Variants in MCU observed in about 807,000 individuals in gnomAD.
MCU encodes the protein calcium uniporter protein, mitochondrial.
A neutral mutation model predicts 45.2 loss-of-function variants in MCU; 12 were observed. The ratio of observed to expected loss-of-function variants is 0.27; its 90% CI spans 0.17 to 0.43. The LOEUF is 0.43. MCU is among the 20% of genes least tolerant of loss of function. The probability of loss-of-function intolerance (pLI) is 1.00; values close to 1 mark genes in which losing one functional copy is unlikely to be tolerated. For synonymous variants in MCU, 160 were observed against 165.1 expected, an observed-to-expected ratio of 0.97 and a Z score of 0.24; for missense variants, 324 against 436.7, an observed-to-expected ratio of 0.74 and a Z score of 2.30.
intron 1 of MCU, among the ~76,000 whole-genome samples, chr10:72,808,599 T>A (rs1355131704): frequency 1.3e-5 from 2 of 152,208 alleles, no homozygotes; most frequent in African/African-American, 2.4e-5. Context: ...GCTTCACGCA[T>A]TAATCCGTTC....
At chr10:72,825,728 A>G (rs141578292) in intron 1 of MCU, among the ~76,000 whole-genome samples, 34 of 152,316 alleles carry the variant, frequency 2.2e-4, no homozygotes, top group Admixed American at 7.8e-4. Context: ...TCTATCACGT[A>G]TGGTTGAACT....
chr10:72,790,915 T>C (rs1459877324), intron 1 of MCU, among the ~76,000 whole-genome samples: 1 of 152,206 alleles, frequency 6.6e-6, no homozygotes, highest in Non-Finnish European at 1.5e-5. Context: ...TATTGTGGTC[T>C]GACAAAGATA....
intron 1 of MCU, among the ~76,000 whole-genome samples, chr10:72,704,158 G>A (rs1842791174): frequency 6.6e-6 from 1 of 152,132 alleles, no homozygotes; most frequent in South Asian, 2.1e-4. Context: ...GAAAGGATGG[G>A]ACCAGAGAGG....
At chr10:72,704,947 C>T (rs1411989658) in intron 1 of MCU, among the ~76,000 whole-genome samples, 1 of 151,944 alleles carries the variant, frequency 6.6e-6, no homozygotes, top group African/African-American at 2.4e-5. Flanking sequence ...TCTTGAACTC[C>T]TGACCTCATA....
At chr10:72,791,315 A>G (rs1050795851) in intron 1 of MCU, among the ~76,000 whole-genome samples, 1 of 152,212 alleles carries the variant, frequency 6.6e-6, no homozygotes, top group African/African-American at 2.4e-5. Context: ...GTTGTGCAGA[A>G]TGGACTGAAT....
chr10:72,814,196 A>C (rs1355703290), intron 1 of MCU, among the ~76,000 whole-genome samples: 1 of 152,152 alleles, frequency 6.6e-6, no homozygotes, highest in South Asian at 2.1e-4. Flanking sequence ...ATCCTGGTAA[A>C]CTGGTAAAAA....
rs528242134 is a variant in MCU at position 72,841,664 on chromosome 10, A to G, written c.220+7236A>G. The stretch of plus-strand genomic sequence containing the variant: ...CACAGATGGTGCATCTTCCAAACTT[A>G]GCAATGTGCACGCTTATACTGCCTC... On this transcript the variant is annotated intron_variant, in intron 2 of 7. Coordinates refer to ENST00000373053, the MANE Select transcript of MCU (RefSeq NM_138357.3). 2.0e-5 allele frequency among the ~76,000 whole-genome samples: 3 copies of G among 152,328 alleles called. No individual in the cohort carries two copies. The South Asian group carries it at 6.2e-4, about 32-fold the overall frequency.
chr10:72,801,723 G>A (rs372435552), intron 1 of MCU, among the ~76,000 whole-genome samples: 1 of 148,256 alleles, frequency 6.7e-6, no homozygotes, highest in Non-Finnish European at 1.5e-5. Context: ...CCAGGTTGGA[G>A]TGCAGTGGTG....
intron 6 of MCU, among the ~76,000 whole-genome samples, chr10:72,872,793 G>A (rs1043956965): frequency 1.3e-5 from 2 of 152,080 alleles, no homozygotes; most frequent in African/African-American, 4.8e-5. Context: ...TAGTGGGATT[G>A]CCAGATTGAT....
intron 1 of MCU, among the ~76,000 whole-genome samples, chr10:72,707,873 T>A (rs986513101): frequency 2.6e-5 from 4 of 152,128 alleles, no homozygotes; most frequent in East Asian, 1.9e-4. Flanking sequence ...GGGGTCTCAC[T>A]ATGTTGTCCA....
chr10:72,705,737 G>C (rs1025629208), intron 1 of MCU, among the ~76,000 whole-genome samples: 1 of 151,860 alleles, frequency 6.6e-6, no homozygotes, highest in African/African-American at 2.4e-5. Flanking sequence ...AGAATCATTT[G>C]AACCCAGAGG....
chr10:72,881,683 A>G (rs1845703715), intron 6 of MCU, among the ~76,000 whole-genome samples: 1 of 152,172 alleles, frequency 6.6e-6, no homozygotes, highest in Non-Finnish European at 1.5e-5. Flanking sequence ...AAAGTGACAG[A>G]CTCCACTAGA....
chr10:72,855,465 C>T (rs1431585542), intron 2 of MCU, among the ~76,000 whole-genome samples: 15 of 151,950 alleles, frequency 9.9e-5, no homozygotes, highest in Admixed American at 9.8e-4. Flanking sequence ...GCCTATAGTC[C>T]TAGCCACTCA....
At chr10:72,696,460 G>A (rs1437067500) in intron 1 of MCU, among the ~76,000 whole-genome samples, 1 of 152,004 alleles carries the variant, frequency 6.6e-6, no homozygotes, top group Non-Finnish European at 1.5e-5. Flanking sequence ...TTCTCTAAAT[G>A]TGTAGAGAAA....
At chr10:72,755,004 G>C (rs1017399848) in intron 1 of MCU, among the ~76,000 whole-genome samples, 2 of 151,970 alleles carry the variant, frequency 1.3e-5, no homozygotes, top group African/African-American at 4.8e-5. Context: ...TGAATTCCTG[G>C]TATCACTACC....
At chr10:72,876,457 A>C (rs1287217920) in intron 6 of MCU, among the ~76,000 whole-genome samples, 1 of 152,158 alleles carries the variant, frequency 6.6e-6, no homozygotes, top group South Asian at 2.1e-4. Flanking sequence ...CTAATATTGG[A>C]CTAATCTAGA....
chr10:72,878,764 G>A (rs981421698), intron 6 of MCU, among the ~76,000 whole-genome samples: 2 of 152,140 alleles, frequency 1.3e-5, no homozygotes, highest in Admixed American at 1.3e-4. Context: ...ACAGAAAGAT[G>A]TAAAATATAG....
chr10:72,707,094 T>G (rs1171436152), intron 1 of MCU, among the ~76,000 whole-genome samples: 1 of 151,786 alleles, frequency 6.6e-6, no homozygotes, highest in Non-Finnish European at 1.5e-5. Context: ...CCTCCCAAAG[T>G]GCTGGGATTA....
At position 72,874,492 on chromosome 10, in the gene MCU, C is replaced by T. The variant is rs182106737; in HGVS notation, c.861+2912C>T. 2.0e-3 allele frequency among the ~76,000 whole-genome samples: 307 copies of T among 152,264 alleles called. 1 individual carries two copies. The highest frequency in any genetic ancestry group is 7.0e-3 in the African/African-American group (289 of 41,548). ...TTTAATATGGCTGCTATTGAACATA[C>T]GCATTTTCTTTCTGTTGTTAGATTA... is the stretch of plus-strand genomic sequence containing the variant. On this transcript the variant is annotated intron_variant, in intron 6 of 7. Coordinates refer to ENST00000373053, the MANE Select transcript of MCU (RefSeq NM_138357.3).
Sources: allele counts gnomAD v4.1 joint callset (sites outside exome capture counted in the v4.1 genomes callset), GRCh38; gene constraint gnomAD v4.1.1; transcripts MANE v1.5; gene names NCBI Gene and HGNC (gene_info 2026-07-23, HGNC 2026-07-21).